The following MXRA7 variants were observed in gnomAD, a reference collection of about 807,000 sequenced individuals.
The protein encoded by MXRA7 is matrix-remodeling-associated protein 7.
A neutral mutation model predicts 17.4 loss-of-function variants in MXRA7; 18 were observed. That is an observed-to-expected ratio of 1.03 (90% CI 0.71 to 1.53). The LOEUF (loss-of-function observed/expected upper bound fraction) is 1.53. MXRA7 is among the 40% of genes most tolerant of loss of function. MXRA7 has a pLI of 0.00. For synonymous variants in MXRA7, 70 were observed against 101.7 expected (o/e 0.69, Z 1.87); for missense variants, 141 against 209.3 (o/e 0.67, Z 2.01).
chr17:76,686,689 C>T (rs541964749), intron 2 of MXRA7, among the ~76,000 whole-genome samples: 6 of 152,272 alleles, frequency 3.9e-5, no homozygotes, highest in African/African-American at 9.6e-5. Context: ...CTCCGAGGGA[C>T]GGGGGAGGTT....
At chr17:76,691,858 C>T (rs150050859) in intron 1 of MXRA7, among the ~76,000 whole-genome samples, 254 of 152,218 alleles carry the variant, frequency 1.7e-3, no homozygotes, top group Non-Finnish European at 2.4e-3. Context: ...GTGCAAAGGA[C>T]ACAAAGATTA....
At chr17:76,678,212 G>GC (rs1265860832), downstream of MXRA7, among the ~76,000 whole-genome samples, 4 of 152,188 alleles carry the variant, frequency 2.6e-5, 1 homozygote, top group Admixed American at 2.6e-4. Context: ...AAGGAGCGGG[G>GC]AGGGAAGCCT....
At chr17:76,698,392 G>A (rs866274765) in intron 1 of MXRA7, among the ~76,000 whole-genome samples, 60 of 150,304 alleles carry the variant, frequency 4.0e-4, no homozygotes, top group Non-Finnish European at 4.7e-4. Context: ...CCCAGCTGGC[G>A]CCAGCTCCGG....
At chr17:76,673,428 G>C (rs1003900762) in exon 4 of MXRA7, 1 of 152,282 alleles carries the variant, frequency 6.6e-6, no homozygotes, top group Non-Finnish European at 1.5e-5. Context: ...ATATGATTCA[G>C]AGGCAGCCTC....
intron 3 of MXRA7, 108 bp from the exon 4 acceptor site, chr17:76,680,987 T>C (rs2076295551): frequency 1.1e-6 from 1 of 904,808 alleles, no homozygotes; most frequent in African/African-American, 1.7e-5. Context: ...TGTTTGGAAT[T>C]GCAGAAGCTG....
At chr17:76,707,114 G>A (rs1243030542) in intron 1 of MXRA7, among the ~76,000 whole-genome samples, 1 of 152,178 alleles carries the variant, frequency 6.6e-6, no homozygotes, top group Non-Finnish European at 1.5e-5. Context: ...TTTAAAAAAT[G>A]TCTCAATTAT....
intron 1 of MXRA7, chr17:76,690,108 T>G (rs1266324980): frequency 6.6e-6 from 1 of 151,862 alleles, no homozygotes; most frequent in African/African-American, 2.4e-5. Context: ...CAGCCCCACG[T>G]GAGCAGCGCA....
chr17:76,683,652 C>T (rs959905948), intron 3 of MXRA7, among the ~76,000 whole-genome samples: 4 of 152,354 alleles, frequency 2.6e-5, no homozygotes, highest in Non-Finnish European at 5.9e-5. Flanking sequence ...CCAGGAACCT[C>T]TGCCCCCAGA....
chr17:76,697,397 G>A (rs1004833552), intron 1 of MXRA7, among the ~76,000 whole-genome samples: 19 of 152,166 alleles, frequency 1.2e-4, no homozygotes, highest in African/African-American at 4.6e-4. Context: ...GAAGGTGCCC[G>A]GTCTGTGGTG....
At chr17:76,690,156 A>AT (rs1346125631) in intron 1 of MXRA7, 2 of 152,202 alleles carry the variant, frequency 1.3e-5, no homozygotes, top group Non-Finnish European at 2.9e-5. Context: ...AAATGCACGC[A>AT]TGTGCTCGAA....
In MXRA7 at chr17:76,710,936, G is replaced by A. The variant is rs2076715789; in HGVS notation, c.11C>T (p.Pro4Leu). The A allele has an allele frequency of 5.0e-6, 5 of 996,066 alleles. No individual in the cohort carries two copies. Among genetic ancestry groups the A allele is most frequent in the Non-Finnish European group, 2.4e-6 (2 of 840,312 alleles). The allele number at this position is 996,066 out of a possible 1,614,324, so 61.7% of individuals were successfully genotyped here. A position where few individuals can be genotyped will look rare whatever the true frequency, so the allele number is the denominator to read the frequency against. Residue 4 changes from proline to leucine, a missense_variant, in exon 1 of 4, where the codon CCG becomes CTG. Around this residue, in one of 3 missense-constraint regions of MXRA7, gnomAD observed 72 missense variants for 111.9 expected, o/e 0.64. Transcript: ENST00000449428. MEAPAELLAALPAL... is the reference protein window; with the variant it reads MEALAELLAALPAL... ...AGGCAGCGCGGCCAGTAGCTCGGCC[G>A]GCGCCTCCATCGCGCCGCGGCCGCC...
intron 2 of MXRA7, among the ~76,000 whole-genome samples, chr17:76,685,704 C>A (rs761068785): frequency 1.3e-5 from 2 of 152,202 alleles, no homozygotes; most frequent in Non-Finnish European, 2.9e-5. Flanking sequence ...TGCCAGTCCC[C>A]GAGGGGAGAC....
intron 1 of MXRA7, among the ~76,000 whole-genome samples, chr17:76,691,379 T>C (rs1052345195): frequency 7.2e-5 from 11 of 152,190 alleles, no homozygotes; most frequent in African/African-American, 2.7e-4. Flanking sequence ...CCAGTTAACA[T>C]AAGTGCTTCC....
chr17:76,706,351 A>ACG lies in MXRA7; in HGVS notation c.342+4253_342+4254insCG, dbSNP rs1396179684. Among the ~76,000 whole-genome samples the ACG allele has an allele frequency of 6.9e-4, 74 of 107,178 alleles. 5 individuals are homozygous for ACG. The highest frequency in any genetic ancestry group is 6.4e-3 in the East Asian group (22 of 3,452). 70.3% of individuals were successfully genotyped at this position (107,178 alleles called of 152,430 possible). On this transcript the variant is annotated intron_variant, in intron 1 of 3. Transcript: ENST00000449428. The stretch of plus-strand genomic sequence containing the variant: ...GACCACGCTGCCATCACAGAGGCCC[A>ACG]CTCTGCCATCACAGAGGCCCACGCT...
In MXRA7 at chr17:76,681,277, C is replaced by T. The variant is rs143371042; in HGVS notation, c.501-398G>A. Among the ~76,000 whole-genome samples the T allele has an allele frequency of 3.9e-5, 6 of 152,218 alleles. No homozygotes were observed. Among genetic ancestry groups the T allele is most frequent in the Non-Finnish European group, 7.4e-5 (5 of 67,996 alleles). On this transcript the variant is annotated intron_variant, in intron 3 of 3. Transcript: ENST00000449428. This position sits in a 1 kb window ranked among gnomAD's most constrained non-coding sequence, Gnocchi z 4.7. ...CATTCCCGCTGGCTGAGTTTTGTCCCCTCGGGGGATACTGGCACCCTAGGA... is the reference window on the plus strand; with the variant it reads ...CATTCCCGCTGGCTGAGTTTTGTCCTCTCGGGGGATACTGGCACCCTAGGA...
chr17:76,677,900 G>A (rs2076254234), downstream of MXRA7, among the ~76,000 whole-genome samples: 1 of 152,170 alleles, frequency 6.6e-6, no homozygotes, highest in African/African-American at 2.4e-5. Flanking sequence ...CAACTTTTGA[G>A]GGCTCTAAAA....
chr17:76,694,560 CTAA>C (rs978284290), intron 1 of MXRA7, among the ~76,000 whole-genome samples: 3 of 152,102 alleles, frequency 2.0e-5, no homozygotes, highest in Admixed American at 6.6e-5. Context: ...AAAGAATATA[CTAA>C]TAATAATTGA....
At position 76,691,911 on chromosome 17, in the gene MXRA7, G is replaced by A. The variant is rs185064016; in HGVS notation, c.343-3735C>T. Among the ~76,000 whole-genome samples, 1,005 of 152,262 alleles carry A rather than the reference G, an allele frequency of 6.6e-3. 12 individuals are homozygous for A. Among genetic ancestry groups the A allele is most frequent in the African/African-American group, 0.022 (919 of 41,546 alleles). On this transcript the variant is annotated intron_variant, in intron 1 of 3. Transcript: ENST00000449428. The stretch of plus-strand genomic sequence containing the variant: ...ACAATGAGCACAGTCCCTGCCTTAC[G>A]GAGCTCGTGGTCCAGTAGGAAAGAC...
chr17:76,678,976 T>G (rs2076263590), downstream of MXRA7, among the ~76,000 whole-genome samples: 2 of 152,122 alleles, frequency 1.3e-5, no homozygotes, highest in South Asian at 4.1e-4. Flanking sequence ...CAGCAGCCTA[T>G]GATGTGTGCT....
Sources: gnomAD v4.1 joint callset for allele counts (sites outside exome capture counted in the v4.1 genomes callset) on GRCh38, gnomAD v4.1.1 for gene constraint, gnomAD v4.1.1 regional missense constraint, Gnocchi (gnomAD v3.1) non-coding constraint, MANE v1.5 for transcripts, NCBI Gene and HGNC (gene_info 2026-07-23, HGNC 2026-07-21) for gene names.